Variants in DNM1L observed in about 807,000 individuals in gnomAD.
The protein encoded by DNM1L is dynamin-1-like protein.
In DNM1L, 33 loss-of-function variants were observed where a neutral mutation model predicts 92.8. The ratio of observed to expected loss-of-function variants is 0.36; its 90% CI spans 0.27 to 0.48. The LOEUF (loss-of-function observed/expected upper bound fraction) is 0.48, where lower values mean the gene tolerates loss of function less well. Ranked by LOEUF, DNM1L falls within the 20% of genes least tolerant of loss-of-function variation. The pLI, the probability that DNM1L is intolerant of heterozygous loss-of-function variation, is 0.99. For missense variants in DNM1L, 485 were observed against 888.8 expected, an observed-to-expected ratio of 0.55 and a Z score of 5.78; for synonymous variants, 284 against 305.0, an observed-to-expected ratio of 0.93 and a Z score of 0.72.
At chr12:32,681,379 C>T (rs533376098) in intron 1 of DNM1L, among the ~76,000 whole-genome samples, 157 of 152,080 alleles carry the variant, frequency 1.0e-3, no homozygotes, top group African/African-American at 3.5e-3. Flanking sequence ...GGGGAAACTC[C>T]ATCTTTACGA....
At chr12:32,694,138 C>A (rs747479869) in intron 1 of DNM1L, among the ~76,000 whole-genome samples, 2 of 152,176 alleles carry the variant, frequency 1.3e-5, no homozygotes, top group Non-Finnish European at 2.9e-5. Flanking sequence ...GGCTGGAGTG[C>A]AGTGGCACAG....
intron 2 of DNM1L, among the ~76,000 whole-genome samples, chr12:32,702,763 T>A (rs994385955): frequency 6.6e-6 from 1 of 152,150 alleles, no homozygotes. Flanking sequence ...AGCAAATTAG[T>A]GTAGTTGTAG....
chr12:32,686,329 G>A (rs1445316329), intron 1 of DNM1L, among the ~76,000 whole-genome samples: 2 of 152,124 alleles, frequency 1.3e-5, no homozygotes, highest in Non-Finnish European at 2.9e-5. Context: ...TTACAGGTGT[G>A]AGCCACTGTG....
rs147970242 is a variant in DNM1L, at chr12:32,709,816, A to G, written c.370-1113A>G. On this transcript the variant is annotated intron_variant, in intron 4 of 19. Transcript: ENST00000549701. The stretch of plus-strand genomic sequence containing the variant: ...TGAGAAATATACAACCTAAGTAGGT[A>G]TGCCAGATAGTGACATTTGTTGGCT... 2.1e-3 allele frequency among the ~76,000 whole-genome samples: 318 copies of G among 152,344 alleles called. 1 individual carries two copies. The highest frequency in any genetic ancestry group is 0.02 in the Middle Eastern group (6 of 294).
intron 16 of DNM1L, chr12:32,739,827 G>C: frequency 3.8e-6 from 2 of 522,848 alleles, no homozygotes; most frequent in Non-Finnish European, 3.4e-6. Flanking sequence ...GAATTAAATA[G>C]AACATAAGTT....
At chr12:32,714,386 C>A (rs1188688574) in intron 6 of DNM1L, among the ~76,000 whole-genome samples, 1 of 151,292 alleles carries the variant, frequency 6.6e-6, no homozygotes, top group Non-Finnish European at 1.5e-5. Flanking sequence ...CATTCTCCTG[C>A]CTCAGCCTCC....
chr12:32,692,989 G>T (rs1280298135), intron 1 of DNM1L: 1 of 152,168 alleles, frequency 6.6e-6, no homozygotes, highest in Non-Finnish European at 1.5e-5. Flanking sequence ...TGCTATAGCT[G>T]TTTTTGTAAA....
chr12:32,743,588 C>A lies in DNM1L; in HGVS notation c.*178C>A. 1 of 606,666 alleles carries A rather than the reference C, an allele frequency of 1.6e-6. No individual in the cohort carries two copies. 37.6% of individuals were successfully genotyped at this position (606,666 alleles called of 1,614,324 possible). A position where few individuals can be genotyped will look rare whatever the true frequency, so the allele number is the denominator to read the frequency against. ...TGCAGAACACATCACACATTTAATCCAAATAATAAATGGCTGTTTCTAAAG... is the reference window on the plus strand; with the variant it reads ...TGCAGAACACATCACACATTTAATCAAAATAATAAATGGCTGTTTCTAAAG... On this transcript the variant is annotated 3_prime_UTR_variant, in exon 20 of 20. Coordinates refer to ENST00000549701, the MANE Select transcript of DNM1L (RefSeq NM_012062.5).
rs751320094 is a variant in DNM1L at position 32,740,222 on chromosome 12, C to T, written c.1866C>T (p.Ala622=). The change falls in exon 17 of 20, where the codon GCC becomes GCT. Residue 622 remains alanine (A), a synonymous_variant. Transcript: ENST00000549701. ...IMPASPQKGH[A]VNLLDVPVPV... is the part of the protein sequence containing the mutation. The stretch of plus-strand genomic sequence containing the variant: ...CAGCCAGTCCACAAAAAGGTCATGC[C>T]GTGAACCTGCTAGATGTGGTAAGCC... 2.2e-5 allele frequency: 36 copies of T among 1,614,032 alleles called. No homozygotes were observed. Among genetic ancestry groups the T allele is most frequent in the East Asian group, 1.8e-4 (8 of 44,882 alleles).
At position 32,731,280 on chromosome 12, in the gene DNM1L, A is replaced by G; in HGVS notation, c.1201-76A>G. On this transcript the variant is annotated intron_variant, in intron 10 of 19. Transcript: ENST00000549701. This position sits in a 1 kb window ranked among gnomAD's most constrained non-coding sequence, Gnocchi z 5.1. ...AAAGCATTTTTCATGAAAAGTACCAAAAATGTGACTTTCTTAACCCTTGGG... is the reference window on the plus strand; with the variant it reads ...AAAGCATTTTTCATGAAAAGTACCAGAAATGTGACTTTCTTAACCCTTGGG... 2 of 1,598,744 alleles carry G rather than the reference A, an allele frequency of 1.3e-6. No individual in the cohort carries two copies. The highest frequency in any genetic ancestry group is 1.7e-6 in the Non-Finnish European group (2 of 1,172,534).
chr12:32,714,222 ACTGCCAAT>A (rs1953258432), intron 6 of DNM1L, among the ~76,000 whole-genome samples: 1 of 151,606 alleles, frequency 6.6e-6, no homozygotes. Flanking sequence ...TAGTGCTAAG[ACTGCCAAT>A]CTGCCAATAA....
chr12:32,723,607 T>C (rs1237222621), intron 9 of DNM1L, among the ~76,000 whole-genome samples: 1 of 151,316 alleles, frequency 6.6e-6, no homozygotes, highest in African/African-American at 2.4e-5. Flanking sequence ...GGCAGGAGAA[T>C]TGCTTGAACC....
At chr12:32,723,726 T>C (rs1953924707) in intron 9 of DNM1L, among the ~76,000 whole-genome samples, 1 of 149,570 alleles carries the variant, frequency 6.7e-6, no homozygotes, top group Non-Finnish European at 1.5e-5. Context: ...AGGGATTCTA[T>C]CTTTAAAGTT....
intron 18 of DNM1L, among the ~76,000 whole-genome samples, chr12:32,741,668 C>G (rs1370239094): frequency 6.6e-6 from 1 of 152,148 alleles, no homozygotes; most frequent in Admixed American, 6.5e-5. Flanking sequence ...CAACAGACCA[C>G]GTATTTGAAT....
intron 2 of DNM1L, among the ~76,000 whole-genome samples, chr12:32,702,459 T>C (rs1308443115): frequency 1.3e-5 from 2 of 152,140 alleles, no homozygotes; most frequent in South Asian, 4.1e-4. Flanking sequence ...TGGCTCAGAC[T>C]TTCTTATTTA....
chr12:32,722,973 T>C (rs1346435798), intron 9 of DNM1L, among the ~76,000 whole-genome samples: 3 of 151,882 alleles, frequency 2.0e-5, no homozygotes, highest in Non-Finnish European at 4.4e-5. Flanking sequence ...CACAGTATAA[T>C]TGCTCACAAA....
intron 18 of DNM1L, among the ~76,000 whole-genome samples, chr12:32,741,907 C>CATT (rs1389120549): frequency 6.6e-6 from 1 of 152,092 alleles, no homozygotes; most frequent in East Asian, 1.9e-4. Flanking sequence ...CCTAATAATG[C>CATT]ATTTCTCAAA....
intron 9 of DNM1L, chr12:32,726,527 A>G: frequency 9.2e-7 from 1 of 1,085,188 alleles, no homozygotes; most frequent in Non-Finnish European, 1.4e-6. Flanking sequence ...CTTCTCCAGT[A>G]AACTATAACA....
chr12:32,700,105 T>C (rs1592589216), intron 1 of DNM1L, among the ~76,000 whole-genome samples: 1 of 151,948 alleles, frequency 6.6e-6, no homozygotes, highest in Admixed American at 6.6e-5. Flanking sequence ...GTTTTATACA[T>C]AGTAGAATAC....
Sources: gnomAD v4.1 joint callset for allele counts (sites outside exome capture counted in the v4.1 genomes callset) on GRCh38, gnomAD v4.1.1 for gene constraint, Gnocchi (gnomAD v3.1) non-coding constraint, MANE v1.5 for transcripts, NCBI Gene and HGNC (gene_info 2026-07-23, HGNC 2026-07-21) for gene names.